Variants in APOB observed in about 807,000 individuals in gnomAD.
APOB encodes apolipoprotein B-100.
In APOB, 153 loss-of-function variants were observed where a neutral mutation model predicts 314.1. The ratio of observed to expected loss-of-function variants is 0.49; its 90% CI spans 0.43 to 0.56. APOB has a LOEUF of 0.56. APOB is among the 20% of genes least tolerant of loss of function. The pLI is 0.00. For missense variants in APOB, 5,430 were observed against 5,350.7 expected, an observed-to-expected ratio of 1.01 and a Z score of -0.46; for synonymous variants, 2,087 against 2,036.4, an observed-to-expected ratio of 1.02 and a Z score of -0.67.
In APOB at chr2:21,002,867, T is replaced by C; in HGVS notation, c.12555A>G (p.Lys4185=). ...TGAGTGAGTCAATCAGATGCTTGAC[T>C]TTCATATGGAATTCTTGAGTAACTC... is the stretch of plus-strand genomic sequence containing the variant. ...LVRVTQEFHM[K]VKHLIDSLID... The change falls in exon 29 of 29, where the codon AAA becomes AAG. Residue 4185 remains lysine, a synonymous_variant. Coordinates refer to ENST00000233242, the MANE Select transcript of APOB (RefSeq NM_000384.3). 6.2e-7 allele frequency: 1 copy of C among 1,613,618 alleles called. No homozygotes were observed. Among genetic ancestry groups the C allele is most frequent in the Non-Finnish European group, 8.5e-7 (1 of 1,179,840 alleles).
chr2:21,032,681 C>T, intron 9 of APOB, 100 bp from the exon 10 acceptor site: 3 of 888,568 alleles, frequency 3.4e-6, no homozygotes, highest in Admixed American at 4.6e-5. Flanking sequence ...TTAATCACCT[C>T]ATTCACTATT....
intron 16 of APOB, chr2:21,024,372 C>G (rs1052870946): frequency 6.3e-6 from 1 of 158,878 alleles, no homozygotes; most frequent in African/African-American, 2.4e-5. Flanking sequence ...TATTCCAGCA[C>G]TGTGGGAGGC....
chr2:21,043,938 G>C lies in APOB; in HGVS notation c.8C>G (p.Pro3Arg). 2 of 1,351,416 alleles carry C rather than the reference G, an allele frequency of 1.5e-6. No homozygotes were observed. The highest frequency in any genetic ancestry group is 1.9e-6 in the Non-Finnish European group (2 of 1,051,894). 83.7% of individuals were successfully genotyped at this position (1,351,416 alleles called of 1,614,324 possible). A position where few individuals can be genotyped will look rare whatever the true frequency, so the allele number is the denominator to read the frequency against. The part of the protein sequence containing the change: MD[P>R]PRPALLALLA... ...CAGCGCCAGCAGCGCGGGCCTCGGC[G>C]GGTCCATCGCCAGCTGCGGTGGGGC... Residue 3 changes from proline (P) to arginine (R), a missense_variant, in exon 1 of 29, where the codon CCG becomes CGG. Transcript: ENST00000233242.
intron 15 of APOB, 130 bp downstream of exon 15, chr2:21,026,658 G>T: frequency 1.3e-6 from 1 of 798,828 alleles, no homozygotes; most frequent in South Asian, 1.5e-5. Context: ...ACCCCAGCAG[G>T]TCTGGTTGAT....
In APOB at chr2:21,014,490, C is replaced by CCCAT; in HGVS notation, c.3796_3799dup (p.Gly1267AspfsTer32). On this transcript the variant is annotated frameshift_variant, in exon 24 of 29. Transcript: ENST00000233242. LOFTEE classifies it high-confidence loss of function. ...TTCTGGGATGTGGAAGTCTGGCAAT[C>CCCAT]CCATGTTCTGGAGGTTGAACTCCTT... 1 of 1,614,120 alleles carries CCCAT rather than the reference C, an allele frequency of 6.2e-7. No individual in the cohort carries two copies.
chr2:21,014,639 C>T (rs1663419836), intron 23 of APOB, 46 bp from the exon 24 acceptor site: 2 of 1,609,556 alleles, frequency 1.2e-6, no homozygotes, highest in Non-Finnish European at 8.5e-7. Flanking sequence ...TTGGATGAGC[C>T]TCAAAGAGCA....
rs199663383 is a variant in APOB, at chr2:21,012,698, C to T, written c.4217-47G>A. Reference sequence around the variant, plus strand: ...ATTGGTTAAATTAAGCAGTACATTTCCAGAGCAATCTCTATGTTGAAAGTC... The same window carrying T: ...ATTGGTTAAATTAAGCAGTACATTTTCAGAGCAATCTCTATGTTGAAAGTC... On this transcript the variant is annotated intron_variant, in intron 25 of 28. Transcript: ENST00000233242. 6.6e-4 allele frequency: 1,046 copies of T among 1,585,274 alleles called. 1 individual carries two copies. The highest frequency in any genetic ancestry group is 2.0e-3 in the Admixed American group (120 of 59,394).
chr2:21,036,010 A>C (rs1486066650), intron 6 of APOB, among the ~76,000 whole-genome samples: 3 of 152,166 alleles, frequency 2.0e-5, no homozygotes, highest in Non-Finnish European at 4.4e-5. Flanking sequence ...TTCTTTGCCC[A>C]AAAGCCCATT....
At chr2:21,032,657 T>G (rs2103379755) in intron 9 of APOB, 76 bp from the exon 10 acceptor site, 1 of 1,184,806 alleles carries the variant, frequency 8.4e-7, no homozygotes, top group Non-Finnish European at 1.2e-6. Context: ...GTGTGTCCTC[T>G]GCCAGGAGAG....
chr2:21,004,574 A>G lies in APOB; in HGVS notation c.11890T>C (p.Tyr3964His), dbSNP rs1310088119. 4.3e-6 allele frequency: 7 copies of G among 1,613,750 alleles called. No individual in the cohort carries two copies. Among genetic ancestry groups the G allele is most frequent in the African/African-American group, 1.3e-5 (1 of 74,914 alleles). ...AAAGCTCCATACTGAAGTCCTTCAT[A>G]TTTGCCATCTTCTTCATATTCTGCA... ...FSAEYEEDGK[Y>H]EGLQEWEGKA... Residue 3964 changes from tyrosine (Y) to histidine (H), a missense_variant, in exon 27 of 29, where the codon TAT becomes CAT. By Grantham distance (83) the Tyr-to-His change is moderately conservative (BLOSUM62 2). This residue lies in a region of APOB where 3,281 missense variants were observed against 3,171.0 expected (regional missense o/e 1.03). Coordinates refer to ENST00000233242, the MANE Select transcript of APOB (RefSeq NM_000384.3).
chr2:21,029,046 C>T (rs1204645226), intron 12 of APOB, among the ~76,000 whole-genome samples: 1 of 152,148 alleles, frequency 6.6e-6, no homozygotes, highest in East Asian at 1.9e-4. Flanking sequence ...CGGTAGGAAG[C>T]AAAAACATCT....
intron 12 of APOB, among the ~76,000 whole-genome samples, chr2:21,028,829 A>G (rs1203415425): frequency 6.6e-6 from 1 of 152,190 alleles, no homozygotes; most frequent in Non-Finnish European, 1.5e-5. Flanking sequence ...GTGAAAATCA[A>G]GTTGTTTTAA....
In APOB at chr2:21,010,401, A is replaced by T. The variant is rs1232529396; in HGVS notation, c.6467T>A (p.Ile2156Lys). 1.9e-6 allele frequency: 3 copies of T among 1,595,486 alleles called. No homozygotes were observed. Among genetic ancestry groups the T allele is most frequent in the Non-Finnish European group, 2.6e-6 (3 of 1,169,686 alleles). The part of the protein sequence containing the change: ...TKKYRITEND[I>K]QIALDDAKIN... ...TTTGGCATCATCTAATGCAATTTGTATATCATTTTCTGTAATTCTATACTT... is the reference window on the plus strand; with the variant it reads ...TTTGGCATCATCTAATGCAATTTGTTTATCATTTTCTGTAATTCTATACTT... The change falls in exon 26 of 29, where the codon ATA becomes AAA. Residue 2156 changes from isoleucine to lysine, a missense_variant. Around this residue, in one of 3 missense-constraint regions of APOB, gnomAD observed 3,281 missense variants for 3,171.0 expected, o/e 1.03. Transcript: ENST00000233242.
chr2:21,012,275 G>A lies in APOB; in HGVS notation c.4593C>T (p.Asn1531=). The A allele has an allele frequency of 6.2e-7, 1 of 1,613,978 alleles. No individual in the cohort carries two copies. Among genetic ancestry groups the A allele is most frequent in the Non-Finnish European group, 8.5e-7 (1 of 1,179,904 alleles). The change falls in exon 26 of 29, where the codon AAC becomes AAT. Residue 1531 remains asparagine (N), a synonymous_variant. Coordinates refer to ENST00000233242, the MANE Select transcript of APOB (RefSeq NM_000384.3). ...CATCTTCATATCTTCCTGTTATCTG[G>A]TTGGTGCCTTGGAGGTAGGAGGAGT... ...RFNSSYLQGT[N]QITGRYEDGT...
intron 18 of APOB, 26 bp downstream of exon 18, chr2:21,022,805 T>C (rs1663646276): frequency 6.2e-7 from 1 of 1,609,870 alleles, no homozygotes; most frequent in Non-Finnish European, 8.5e-7. Context: ...TCAAACTGGC[T>C]AGGCAGACTT....
intron 15 of APOB, among the ~76,000 whole-genome samples, chr2:21,026,440 G>A (rs1663733071): frequency 6.6e-6 from 1 of 151,936 alleles, no homozygotes; most frequent in South Asian, 2.1e-4. Context: ...AGTAGAGACG[G>A]GGTTTCAGTA....
rs769418195 is a variant in APOB at position 21,007,414 on chromosome 2, G to C, written c.9454C>G (p.Leu3152Val). The C allele has an allele frequency of 1.2e-6, 2 of 1,613,900 alleles. No homozygotes were observed. Among genetic ancestry groups the C allele is most frequent in the Admixed American group, 3.3e-5 (2 of 59,998 alleles). The part of the protein sequence containing the change: ...ITTPPLKDFS[L>V]WEKTGLKEFL... ...TCCTTCAAGCCTGTTTTTTCCCATAGAGAGAAATCTTTCAGTGGAGGAGTT... is the reference window on the plus strand; with the variant it reads ...TCCTTCAAGCCTGTTTTTTCCCATACAGAGAAATCTTTCAGTGGAGGAGTT... The change falls in exon 26 of 29, where the codon CTA (leucine) becomes GTA (valine). Residue 3152 changes from leucine to valine, a missense_variant. Around this residue, in one of 3 missense-constraint regions of APOB, gnomAD observed 3,281 missense variants for 3,171.0 expected, o/e 1.03. Transcript: ENST00000233242.
In APOB at chr2:21,041,078, C is replaced by G. The variant is rs1664121745; in HGVS notation, c.243G>C (p.Glu81Asp). 6.2e-7 allele frequency: 1 copy of G among 1,611,834 alleles called. No individual in the cohort carries two copies. The highest frequency in any genetic ancestry group is 8.5e-7 in the Non-Finnish European group (1 of 1,179,608). Residue 81 changes from glutamate to aspartate, a missense_variant, in exon 4 of 29, where the codon GAG (glutamate) becomes GAC (aspartate). Glu to Asp is a conservative substitution (Grantham distance 45, BLOSUM62 2). Coordinates refer to ENST00000233242, the MANE Select transcript of APOB (RefSeq NM_000384.3). ...RSATRINCKVELEVPQLCSFI... is the reference protein window; with the variant it reads ...RSATRINCKVDLEVPQLCSFI... ...AGCTGCAGAGCTGGGGAACCTCCAG[C>G]TCAACCTGAGAATTCAGGGTAGCAG... is the stretch of plus-strand genomic sequence containing the variant.
Position 21,007,809 on chromosome 2 carries a change from C to G in APOB, c.9059G>C (p.Arg3020Thr). The G allele has an allele frequency of 1.2e-6, 2 of 1,614,056 alleles. No individual in the cohort carries two copies. Among genetic ancestry groups the G allele is most frequent in the Non-Finnish European group, 1.7e-6 (2 of 1,179,956 alleles). The change falls in exon 26 of 29, where the codon AGG (arginine) becomes ACG (threonine). Residue 3020 changes from arginine to threonine, a missense_variant. Around this residue, in one of 3 missense-constraint regions of APOB, gnomAD observed 3,281 missense variants for 3,171.0 expected, o/e 1.03. Coordinates refer to ENST00000233242, the MANE Select transcript of APOB (RefSeq NM_000384.3). ...FGEGKAEFTG[R>T]HDAHLNGKVI... ...CTTTCCATTTAAATGAGCATCATGC[C>G]TCCCAGTAAACTCTGCCTTCCCTTC... is the stretch of plus-strand genomic sequence containing the variant.
Sources: allele counts gnomAD v4.1 joint callset (sites outside exome capture counted in the v4.1 genomes callset), GRCh38; gene constraint gnomAD v4.1.1; regional missense constraint gnomAD v4.1.1; transcripts MANE v1.5; gene names NCBI Gene and HGNC (gene_info 2026-07-23, HGNC 2026-07-21).